Variants in SPAG16 observed in about 807,000 individuals in gnomAD.
SPAG16 encodes the protein sperm associated antigen 16, also known as sperm-associated antigen 16 protein.
Under a neutral mutation model 80.4 loss-of-function variants are expected in SPAG16, and 86 were observed. The observed-to-expected ratio is 1.07, with a 90% CI of 0.90 to 1.28. The LOEUF (loss-of-function observed/expected upper bound fraction) is 1.28, where lower values mean the gene tolerates loss of function less well. Among genes scored for constraint, SPAG16 ranks in the 50% most tolerant of loss-of-function variants. SPAG16 has a pLI of 0.00. For missense variants in SPAG16, 870 were observed against 765.3 expected (o/e 1.14, Z -1.61); for synonymous variants, 294 against 265.9 (o/e 1.11, Z -1.03).
intron 15 of SPAG16, among the ~76,000 whole-genome samples, chr2:214,292,140 T>C (rs913425050): frequency 6.6e-6 from 1 of 152,196 alleles, no homozygotes; most frequent in Non-Finnish European, 1.5e-5. Context: ...AGTTCCTTTA[T>C]AGGTGACAAT....
rs1235399853 is a variant in SPAG16 at position 214,126,052 on chromosome 2, TTCCTTCC to T, written c.1593+17793_1593+17799del. On this transcript the variant is annotated intron_variant, in intron 14 of 15. Transcript: ENST00000331683. Reference sequence around the variant, plus strand: ...CTTCCTTCCTTCCTTCCTTCCTTCCTTCCTTCCTTTTTTTTTTTTTTTTTTTTTTTGG... The same window carrying T: ...CTTCCTTCCTTCCTTCCTTCCTTCCTTTTTTTTTTTTTTTTTTTTTTTTGG... 2.3e-3 allele frequency among the ~76,000 whole-genome samples: 63 copies of T among 27,254 alleles called. 5 individuals are homozygous for T. Among genetic ancestry groups the T allele is most frequent in the African/African-American group, 5.3e-3 (34 of 6,372 alleles). 17.9% of individuals were successfully genotyped at this position (27,254 alleles called of 152,430 possible).
intron 13 of SPAG16, among the ~76,000 whole-genome samples, chr2:214,077,942 T>C (rs1379035755): frequency 6.6e-6 from 1 of 152,198 alleles, no homozygotes; most frequent in Non-Finnish European, 1.5e-5. Context: ...CCTGCCTCAC[T>C]TCTCTTTCTC....
intron 9 of SPAG16, among the ~76,000 whole-genome samples, chr2:213,472,350 C>A (rs1471578314): frequency 1.3e-5 from 2 of 152,036 alleles, no homozygotes; most frequent in African/African-American, 4.8e-5. Context: ...ACAGCAGCTG[C>A]AAATGGAGTC....
Position 213,480,351 on chromosome 2 carries a change from C to T in SPAG16, c.943-9612C>T, listed in dbSNP as rs1308331581. Among the ~76,000 whole-genome samples the T allele has an allele frequency of 2.0e-5, 3 of 152,144 alleles. No individual in the cohort carries two copies. The East Asian group carries it at 5.8e-4, about 29-fold the overall frequency. On this transcript the variant is annotated intron_variant, in intron 9 of 15. Coordinates refer to ENST00000331683, the MANE Select transcript of SPAG16 (RefSeq NM_024532.5). ...AGTACTATTAGGCATATCCCCTTAGCCAATAATGCAAATAAGTTAGCCTTG... is the reference window on the plus strand; with the variant it reads ...AGTACTATTAGGCATATCCCCTTAGTCAATAATGCAAATAAGTTAGCCTTG...
chr2:214,214,205 G>A (rs1336751139), intron 15 of SPAG16, among the ~76,000 whole-genome samples: 2 of 102,800 alleles, frequency 1.9e-5, no homozygotes, highest in African/African-American at 9.5e-5. Flanking sequence ...TTTTGAGACA[G>A]AGTCACCCAC....
intron 10 of SPAG16, among the ~76,000 whole-genome samples, chr2:213,672,188 A>C (rs1244382494): frequency 6.8e-6 from 1 of 148,050 alleles, no homozygotes; most frequent in Non-Finnish European, 1.5e-5. Flanking sequence ...TTTTTTTTTC[A>C]TTTCCTTTTC....
chr2:213,412,708 T>G (rs2069046781), intron 9 of SPAG16, among the ~76,000 whole-genome samples: 1 of 152,150 alleles, frequency 6.6e-6, no homozygotes, highest in Non-Finnish European at 1.5e-5. Context: ...CGCTAAAGGC[T>G]TAGTTCTAGG....
chr2:214,312,573 A>T (rs970434783), intron 15 of SPAG16, among the ~76,000 whole-genome samples: 4 of 152,106 alleles, frequency 2.6e-5, no homozygotes, highest in African/African-American at 9.7e-5. Flanking sequence ...CTCACTTCTC[A>T]CAAACAGAAA....
intron 15 of SPAG16, among the ~76,000 whole-genome samples, chr2:214,399,443 A>G (rs1292944653): frequency 6.6e-6 from 1 of 152,124 alleles, no homozygotes; most frequent in Non-Finnish European, 1.5e-5. Context: ...GTAATTATTA[A>G]CAATTCACCA....
chr2:213,843,976 A>G (rs1476586641), intron 10 of SPAG16, among the ~76,000 whole-genome samples: 1 of 152,102 alleles, frequency 6.6e-6, no homozygotes, highest in Admixed American at 6.6e-5. Flanking sequence ...ATTTAGGACC[A>G]TTTGCAAAAG....
rs368169322 is a variant in SPAG16, at chr2:213,491,926, C to T, written c.1070+1836C>T. 7.6e-4 allele frequency among the ~76,000 whole-genome samples: 115 copies of T among 152,190 alleles called. 1 individual carries two copies. Among genetic ancestry groups the T allele is most frequent in the African/African-American group, 2.7e-3 (111 of 41,518 alleles). On this transcript the variant is annotated intron_variant, in intron 10 of 15. Coordinates refer to ENST00000331683, the MANE Select transcript of SPAG16 (RefSeq NM_024532.5). Reference sequence around the variant, plus strand: ...TTAGTTTATTAGTAGAAAAATAAATCGGTAAAGGAAAAATAATCACTAGTC... The same window carrying T: ...TTAGTTTATTAGTAGAAAAATAAATTGGTAAAGGAAAAATAATCACTAGTC...
chr2:213,776,523 G>T (rs1263836441), intron 10 of SPAG16, among the ~76,000 whole-genome samples: 1 of 152,176 alleles, frequency 6.6e-6, no homozygotes, highest in Admixed American at 6.5e-5. Flanking sequence ...TTGAAACCAA[G>T]TTTGCGGTAA....
intron 10 of SPAG16, among the ~76,000 whole-genome samples, chr2:213,716,198 G>T (rs1194815160): frequency 1.3e-5 from 2 of 151,968 alleles, no homozygotes; most frequent in African/African-American, 4.8e-5. Context: ...TTAATAAATT[G>T]AAGATGCAAT....
intron 10 of SPAG16, among the ~76,000 whole-genome samples, chr2:213,849,375 T>C (rs945887186): frequency 6.6e-6 from 1 of 152,192 alleles, no homozygotes; most frequent in African/African-American, 2.4e-5. Context: ...AAACTGGGGA[T>C]AAAATTTCAA....
intron 13 of SPAG16, among the ~76,000 whole-genome samples, chr2:214,090,425 G>A (rs2052102742): frequency 6.6e-6 from 1 of 151,840 alleles, no homozygotes; most frequent in African/African-American, 2.4e-5. Flanking sequence ...CAGATGTAGT[G>A]CCTCAGAGAG....
chr2:213,417,765 A>G (rs570873821), intron 9 of SPAG16, among the ~76,000 whole-genome samples: 12 of 152,176 alleles, frequency 7.9e-5, no homozygotes, highest in Non-Finnish European at 1.5e-4. Flanking sequence ...CTATAAAAAT[A>G]TATTTTTATA....
At chr2:214,006,897 T>C (rs931646367) in intron 12 of SPAG16, among the ~76,000 whole-genome samples, 2 of 152,208 alleles carry the variant, frequency 1.3e-5, no homozygotes, top group Non-Finnish European at 1.5e-5. Context: ...TTCTATTTTG[T>C]TTCGGAAACT....
rs2061976782 is a variant in SPAG16, at chr2:213,284,513, C to T, written c.30C>T (p.Ser10=). Residue 10 remains serine (S), a synonymous_variant, in exon 1 of 16, where the codon TCC becomes TCT. Transcript: ENST00000331683. ...CTGCTCAGCGAGGGATGCCCAGCTC[C>T]GCCGTGAGGGTCCTGGAAGAGGCGT... MAAQRGMPS[S]AVRVLEEALG... 4 of 1,582,816 alleles carry T rather than the reference C, an allele frequency of 2.5e-6. No individual in the cohort carries two copies. In the East Asian group the frequency reaches 6.9e-5, roughly 27 times the overall value.
At chr2:213,356,637 C>T (rs2065669561) in intron 7 of SPAG16, among the ~76,000 whole-genome samples, 1 of 152,048 alleles carries the variant, frequency 6.6e-6, no homozygotes, top group Non-Finnish European at 1.5e-5. Context: ...ATTCTTCTCT[C>T]CTTTCTTCTT....
Sources: allele counts gnomAD v4.1 joint callset (sites outside exome capture counted in the v4.1 genomes callset), GRCh38; gene constraint gnomAD v4.1.1; transcripts MANE v1.5; gene names NCBI Gene and HGNC (gene_info 2026-07-23, HGNC 2026-07-21).